Variants in SLC22A15 observed in about 807,000 individuals in gnomAD.
SLC22A15 encodes solute carrier family 22 member 15.
SLC22A15 carries 45 observed loss-of-function variants against 62.7 expected under a neutral mutation model. The observed-to-expected ratio is 0.72, with a 90% CI of 0.56 to 0.92. SLC22A15 has a LOEUF of 0.92. Ranked by LOEUF, SLC22A15 falls within the 40% of genes least tolerant of loss-of-function variation. SLC22A15 has a pLI of 0.00. For synonymous variants in SLC22A15, 264 were observed against 267.0 expected (o/e 0.99, Z 0.11); for missense variants, 622 against 665.6 (o/e 0.93, Z 0.72).
intron 1 of SLC22A15, among the ~76,000 whole-genome samples, chr1:115,986,475 T>C (rs1557870644): frequency 6.6e-6 from 1 of 152,190 alleles, no homozygotes; most frequent in Non-Finnish European, 1.5e-5. Context: ...CTTTGGAAAT[T>C]AAGAAGGGAG....
chr1:115,977,210 C>T (rs1654353430), intron 1 of SLC22A15, among the ~76,000 whole-genome samples: 1 of 152,156 alleles, frequency 6.6e-6, no homozygotes, highest in South Asian at 2.1e-4. Flanking sequence ...TTTTCCTGGG[C>T]TTGAGGGGGC....
chr1:116,066,041 G>T (rs1429923431), intron 10 of SLC22A15, among the ~76,000 whole-genome samples: 1 of 152,076 alleles, frequency 6.6e-6, no homozygotes, highest in Non-Finnish European at 1.5e-5. Flanking sequence ...TTAATCCCTG[G>T]AACTCTCAGT....
At chr1:116,035,481 CAGTT>C (rs1461656072) in intron 7 of SLC22A15, among the ~76,000 whole-genome samples, 154 bp downstream of exon 7, 2 of 152,152 alleles carry the variant, frequency 1.3e-5, no homozygotes, top group African/African-American at 2.4e-5. Flanking sequence ...CATCTAAAAA[CAGTT>C]AGAATTCATT....
chr1:115,983,472 G>A (rs1654710037), intron 1 of SLC22A15, among the ~76,000 whole-genome samples: 1 of 152,190 alleles, frequency 6.6e-6, no homozygotes, highest in South Asian at 2.1e-4. Flanking sequence ...GTGTGTTTAT[G>A]TAAGATTATA....
At chr1:116,060,326 G>C (rs555733648) in intron 8 of SLC22A15, among the ~76,000 whole-genome samples, 1 of 152,342 alleles carries the variant, frequency 6.6e-6, no homozygotes, top group South Asian at 2.1e-4. Flanking sequence ...AGCATCAGAT[G>C]GGGTATTGGA....
intron 8 of SLC22A15, among the ~76,000 whole-genome samples, chr1:116,044,912 A>G (rs1382208184): frequency 6.6e-6 from 1 of 152,186 alleles, no homozygotes; most frequent in Non-Finnish European, 1.5e-5. Context: ...AAATAAATAG[A>G]TTACCATGCT....
chr1:116,029,030 C>G (rs979414341), intron 5 of SLC22A15, among the ~76,000 whole-genome samples: 4 of 152,186 alleles, frequency 2.6e-5, no homozygotes, highest in African/African-American at 9.6e-5. Flanking sequence ...TCTTTCTAAA[C>G]TGAGAGCTCT....
At chr1:116,000,822 C>T (rs937471261) in intron 2 of SLC22A15, among the ~76,000 whole-genome samples, 2 of 150,848 alleles carry the variant, frequency 1.3e-5, no homozygotes, top group African/African-American at 2.4e-5. Flanking sequence ...TTAGTAGAGA[C>T]GGGGTTTCAC....
At chr1:116,040,111 T>A (rs1657740292) in intron 8 of SLC22A15, among the ~76,000 whole-genome samples, 1 of 152,226 alleles carries the variant, frequency 6.6e-6, no homozygotes, top group African/African-American at 2.4e-5. Context: ...TGTGGTTCTC[T>A]GTGTCAGAAG....
chr1:116,055,892 G>A (rs1315960718), intron 8 of SLC22A15, among the ~76,000 whole-genome samples: 1 of 149,200 alleles, frequency 6.7e-6, no homozygotes, highest in Non-Finnish European at 1.5e-5. Context: ...ATTAGGTATT[G>A]ATGGGACGTA....
chr1:115,993,457 GTC>G (rs374861837), intron 2 of SLC22A15, among the ~76,000 whole-genome samples: 8,099 of 148,680 alleles, frequency 0.054, 283 homozygotes, highest in African/African-American at 0.1. Context: ...GTGTGTGTGT[GTC>G]TGTCTGTCTG....
In SLC22A15 at chr1:116,062,889, G is replaced by A; in HGVS notation, c.1292+7G>A. ...TTTACCCTACAGTCATCAGGTACGT[G>A]TCTCACACAGCCTCATTCTTCACAC... On this transcript the variant is annotated splice_region_variant and intron_variant, in intron 9 of 11. Coordinates refer to ENST00000369503, the MANE Select transcript of SLC22A15 (RefSeq NM_018420.3). 1 of 1,613,062 alleles carries A rather than the reference G, an allele frequency of 6.2e-7. No individual in the cohort carries two copies. The highest frequency in any genetic ancestry group is 2.2e-5 in the East Asian group (1 of 44,846).
chr1:116,039,550 T>C (rs1570761053), intron 8 of SLC22A15, among the ~76,000 whole-genome samples: 1 of 149,494 alleles, frequency 6.7e-6, no homozygotes, highest in African/African-American at 2.4e-5. Flanking sequence ...AAAAAAAAGA[T>C]TTCCAGGGAA....
chr1:116,027,062 C>A, intron 5 of SLC22A15, 40 bp downstream of exon 5: 1 of 1,589,740 alleles, frequency 6.3e-7, no homozygotes, highest in South Asian at 1.1e-5. Context: ...TTTAAAAAGC[C>A]AAAGCAATGT....
chr1:116,037,438 A>G, intron 8 of SLC22A15, 50 bp downstream of exon 8: 2 of 1,292,190 alleles, frequency 1.5e-6, no homozygotes, highest in Non-Finnish European at 2.3e-6. Flanking sequence ...TTTCATTACA[A>G]TGAATCATAA....
At chr1:115,992,559 T>C (rs1437462187) in intron 2 of SLC22A15, among the ~76,000 whole-genome samples, 1 of 152,072 alleles carries the variant, frequency 6.6e-6, no homozygotes, top group African/African-American at 2.4e-5. Flanking sequence ...TTATTAAATA[T>C]GCAAAAATTA....
intron 5 of SLC22A15, among the ~76,000 whole-genome samples, chr1:116,029,781 G>A (rs535114685): frequency 4.6e-5 from 7 of 152,234 alleles, no homozygotes; most frequent in Non-Finnish European, 8.8e-5. Context: ...GAGGCTAAGG[G>A]TAGGAGAAAA....
At chr1:115,988,836 G>A (rs1655011776) in intron 1 of SLC22A15, among the ~76,000 whole-genome samples, 2 of 151,942 alleles carry the variant, frequency 1.3e-5, no homozygotes, top group African/African-American at 4.8e-5. Context: ...CCGGGCTGAG[G>A]ACCTAGTATT....
intron 2 of SLC22A15, among the ~76,000 whole-genome samples, chr1:116,011,165 C>G (rs75569691): frequency 0.024 from 3,656 of 152,242 alleles, 150 homozygotes; most frequent in African/African-American, 0.084. Flanking sequence ...CTGCCACAGC[C>G]CCTGCCTGGC....
Sources: allele counts gnomAD v4.1 joint callset (sites outside exome capture counted in the v4.1 genomes callset), GRCh38; gene constraint gnomAD v4.1.1; transcripts MANE v1.5; gene names NCBI Gene and HGNC (gene_info 2026-07-23, HGNC 2026-07-21).